Variants in NAA15 observed in about 807,000 individuals in gnomAD.
NAA15 encodes the protein N-terminal acetyltransferase.
In NAA15, 34 loss-of-function variants were observed where a neutral mutation model predicts 114.0. That is an observed-to-expected ratio of 0.30 (90% CI 0.23 to 0.40). NAA15 has a LOEUF of 0.40. Among genes scored for constraint, NAA15 ranks in the 10% least tolerant of loss-of-function variants. The probability of loss-of-function intolerance (pLI) is 1.00; values close to 1 mark genes in which losing one functional copy is unlikely to be tolerated. For missense variants in NAA15, 658 were observed against 1,004.5 expected (o/e 0.66, Z 4.66); for synonymous variants, 340 against 338.0 (o/e 1.01, Z -0.06).
At chr4:139,337,490 C>T (rs1175572219) in intron 3 of NAA15, among the ~76,000 whole-genome samples, 2 of 152,100 alleles carry the variant, frequency 1.3e-5, no homozygotes, top group African/African-American at 2.4e-5. Context: ...ATACCCACCT[C>T]ACTGTGTTGG....
intron 14 of NAA15, among the ~76,000 whole-genome samples, chr4:139,363,364 G>A (rs1748186687): frequency 6.6e-6 from 1 of 152,096 alleles, no homozygotes; most frequent in African/African-American, 2.4e-5. Flanking sequence ...CCTGTGAAAG[G>A]ATCAATTCCC....
chr4:139,379,457 T>G (rs1448619411), intron 17 of NAA15: 1 of 152,230 alleles, frequency 6.6e-6, no homozygotes, highest in Non-Finnish European at 1.5e-5. Context: ...GATGACTTAT[T>G]CTAGGTAACA....
intron 3 of NAA15, among the ~76,000 whole-genome samples, chr4:139,338,093 C>G (rs936773639): frequency 6.6e-6 from 1 of 152,084 alleles, no homozygotes; most frequent in African/African-American, 2.4e-5. Flanking sequence ...ATGTTAAACT[C>G]TTTGAGGGTG....
At chr4:139,328,854 CTG>C (rs1579096945) in intron 1 of NAA15, among the ~76,000 whole-genome samples, 1 of 151,328 alleles carries the variant, frequency 6.6e-6, no homozygotes, top group African/African-American at 2.4e-5. Context: ...GCGTGAGCCA[CTG>C]TGCCCGGCCT....
At chr4:139,313,594 T>C (rs1465811143) in intron 1 of NAA15, among the ~76,000 whole-genome samples, 9 of 150,398 alleles carry the variant, frequency 6.0e-5, no homozygotes, top group African/African-American at 2.0e-4. Flanking sequence ...GAAGCTGGAG[T>C]GTAGTGGCCG....
At position 139,361,789 on chromosome 4, in the gene NAA15, T is replaced by G. The variant is rs761780817; in HGVS notation, c.1605T>G (p.Leu535=). ...FHTYCMRKIT[L]RSYVDLLKLE... ...CATACTGTATGAGGAAGATTACCCTTAGATCATATGTGGACTTATTAAAAC... is the reference window on the plus strand; with the variant it reads ...CATACTGTATGAGGAAGATTACCCTGAGATCATATGTGGACTTATTAAAAC... The change falls in exon 14 of 20, where the codon CTT becomes CTG. Residue 535 remains leucine (L), a synonymous_variant. Transcript: ENST00000296543. 4 of 1,613,114 alleles carry G rather than the reference T, an allele frequency of 2.5e-6. No individual in the cohort carries two copies. In the African/African-American group the frequency reaches 5.3e-5, roughly 22 times the overall value.
Position 139,384,945 on chromosome 4 carries a change from A to G in NAA15, c.2269A>G (p.Arg757Gly), listed in dbSNP as rs1242438557. The stretch of plus-strand genomic sequence containing the variant: ...GAATTTTAATGAAACTTTTCTGAAA[A>G]GGAATTCTGATTCATTGCCACACAG... ...PKNFNETFLK[R>G]NSDSLPHRLS... The change falls in exon 18 of 20, where the codon AGG (arginine) becomes GGG (glycine). Residue 757 changes from arginine to glycine, a missense_variant. Physicochemically the swap from Arg to Gly is moderately radical, Grantham distance 125. Around this residue, in one of 6 missense-constraint regions of NAA15, gnomAD observed 275 missense variants for 371.1 expected, o/e 0.74. Transcript: ENST00000296543. 2 of 1,571,038 alleles carry G rather than the reference A, an allele frequency of 1.3e-6. No homozygotes were observed. The highest frequency in any genetic ancestry group is 1.7e-6 in the Non-Finnish European group (2 of 1,161,808).
intron 7 of NAA15, 65 bp downstream of exon 7, chr4:139,349,646 A>T (rs752008418): frequency 3.9e-5 from 56 of 1,439,396 alleles, no homozygotes; most frequent in Non-Finnish European, 5.1e-5. Flanking sequence ...TTATTTACTC[A>T]TTGAAAAGCA....
intron 11 of NAA15, among the ~76,000 whole-genome samples, chr4:139,358,773 G>T (rs138175071): frequency 1.3e-5 from 2 of 152,096 alleles, no homozygotes; most frequent in African/African-American, 2.4e-5. Context: ...TTCCTTTAGC[G>T]TACAGATTTG....
intron 1 of NAA15, among the ~76,000 whole-genome samples, chr4:139,315,503 G>A (rs887795056): frequency 2.0e-5 from 3 of 151,786 alleles, no homozygotes; most frequent in Non-Finnish European, 2.9e-5. Context: ...GAGTGACAGC[G>A]TGAGACCGCG....
chr4:139,333,365 T>G (rs1023263102), intron 1 of NAA15, among the ~76,000 whole-genome samples: 4 of 152,232 alleles, frequency 2.6e-5, no homozygotes, highest in Non-Finnish European at 5.9e-5. Flanking sequence ...AAGAGTGCAT[T>G]GCTATTCTGA....
intron 1 of NAA15, among the ~76,000 whole-genome samples, chr4:139,314,986 TTCAGTTCAGTTCAG>T (rs1412767977): frequency 0.2 from 18,618 of 94,474 alleles, 3,021 homozygotes; most frequent in African/African-American, 0.37. Context: ...TAGAGAAGCG[TTCAGTTCAGTTCAG>T]TTTAGTTTAG....
intron 1 of NAA15, among the ~76,000 whole-genome samples, chr4:139,331,517 G>T (rs1159090308): frequency 6.6e-6 from 1 of 151,070 alleles, no homozygotes; most frequent in African/African-American, 2.4e-5. Flanking sequence ...CATCATCTTG[G>T]CTCACTGCAG....
At chr4:139,327,475 A>G (rs1377165176) in intron 1 of NAA15, among the ~76,000 whole-genome samples, 1 of 152,112 alleles carries the variant, frequency 6.6e-6, no homozygotes, top group African/African-American at 2.4e-5. Flanking sequence ...GTTGGTCTCG[A>G]ACTCTTGACC....
At chr4:139,302,739 G>T (rs1343399130) in intron 1 of NAA15, among the ~76,000 whole-genome samples, 4 of 152,162 alleles carry the variant, frequency 2.6e-5, no homozygotes, top group African/African-American at 9.7e-5. Context: ...TATTCCCTAC[G>T]GTTCAAATGT....
rs1217237713 is a variant in NAA15 at position 139,388,853 on chromosome 4, T to C, written c.*769T>C. On this transcript the variant is annotated 3_prime_UTR_variant, in exon 20 of 20. Coordinates refer to ENST00000296543, the MANE Select transcript of NAA15 (RefSeq NM_057175.5). ...ATTGTTTGGCCAAACTTGTTAAAAC[T>C]GTAATGCAAGAACCAAATGCACTGT... is the stretch of plus-strand genomic sequence containing the variant. 2 of 152,570 alleles carry C rather than the reference T, an allele frequency of 1.3e-5. No homozygotes were observed. Among genetic ancestry groups the C allele is most frequent in the Non-Finnish European group, 2.9e-5 (2 of 68,042 alleles). 9.5% of individuals were successfully genotyped at this position (152,570 alleles called of 1,614,324 possible). A position where few individuals can be genotyped will look rare whatever the true frequency, so the allele number is the denominator to read the frequency against.
intron 1 of NAA15, among the ~76,000 whole-genome samples, chr4:139,310,315 G>A (rs1181435096): frequency 1.3e-5 from 2 of 150,312 alleles, no homozygotes; most frequent in East Asian, 2.0e-4. Flanking sequence ...TTAGCCGGGC[G>A]TAGTGGCGGG....
chr4:139,386,273 CT>C, intron 19 of NAA15, 43 bp downstream of exon 19: 2 of 1,083,468 alleles, frequency 1.8e-6, no homozygotes, highest in Admixed American at 2.0e-5. Flanking sequence ...TACTTAACTA[CT>C]TTTTTCACCA....
At chr4:139,347,429 C>T (rs530507984) in intron 6 of NAA15, among the ~76,000 whole-genome samples, 15 of 151,438 alleles carry the variant, frequency 9.9e-5, no homozygotes, top group Admixed American at 2.6e-4. Flanking sequence ...CCTAGGAGTT[C>T]GAGACCAGCC....
Sources: gnomAD v4.1 joint callset for allele counts (sites outside exome capture counted in the v4.1 genomes callset) on GRCh38, gnomAD v4.1.1 for gene constraint, gnomAD v4.1.1 regional missense constraint, MANE v1.5 for transcripts, NCBI Gene and HGNC (gene_info 2026-07-23, HGNC 2026-07-21) for gene names.